The following RARA variants were observed in gnomAD, a reference collection of about 807,000 sequenced individuals.
RARA encodes the protein retinoic acid receptor alpha.
RARA carries 5 observed loss-of-function variants against 42.8 expected under a neutral mutation model. The ratio of observed to expected loss-of-function variants is 0.12; its 90% CI spans 0.06 to 0.25. The LOEUF (loss-of-function observed/expected upper bound fraction) is 0.25, where lower values mean the gene tolerates loss of function less well. RARA is among the 10% of genes least tolerant of loss of function. The pLI is 1.00. For missense variants in RARA, 402 were observed against 628.7 expected, an observed-to-expected ratio of 0.64 and a Z score of 3.86; for synonymous variants, 256 against 259.5, an observed-to-expected ratio of 0.99 and a Z score of 0.13.
chr17:40,313,423 TTG>T lies in RARA; in HGVS notation c.-363+4140_-363+4141del, dbSNP rs2033133121. Reference sequence around the variant, plus strand: ...TATGGGGAGAAAACTCAATGGAGAATTGTGGTCCCTCAGAATTCAGTCTGCTT... The same window carrying T: ...TATGGGGAGAAAACTCAATGGAGAATTGGTCCCTCAGAATTCAGTCTGCTT... On this transcript the variant is annotated intron_variant, in intron 1 of 8. Transcript: ENST00000254066. Among the ~76,000 whole-genome samples the T allele has an allele frequency of 6.6e-5, 10 of 152,186 alleles. No individual in the cohort carries two copies. In the South Asian group the frequency reaches 1.9e-3, roughly 28 times the overall value.
chr17:40,330,482 C>T (rs1407277480), intron 1 of RARA, among the ~76,000 whole-genome samples: 2 of 152,104 alleles, frequency 1.3e-5, no homozygotes, highest in East Asian at 1.9e-4. Context: ...CTCCCTCTTC[C>T]CCCCCAGCAC....
At chr17:40,340,570 C>G (rs1278912990) in intron 2 of RARA, among the ~76,000 whole-genome samples, 2 of 152,206 alleles carry the variant, frequency 1.3e-5, no homozygotes, top group Non-Finnish European at 2.9e-5. Flanking sequence ...GAACTACACT[C>G]CTTTCTACTC....
rs2034539910 is a variant in RARA, at chr17:40,354,217, G to A, written c.808-85G>A. 1.1e-5 allele frequency: 15 copies of A among 1,329,376 alleles called. No individual in the cohort carries two copies. Among genetic ancestry groups the A allele is most frequent in the South Asian group, 3.8e-5 (3 of 78,488 alleles). The allele number at this position is 1,329,376 out of a possible 1,614,324, so 82.3% of individuals were successfully genotyped here. A position where few individuals can be genotyped will look rare whatever the true frequency, so the allele number is the denominator to read the frequency against. On this transcript the variant is annotated intron_variant, in intron 6 of 8. Coordinates refer to ENST00000254066, the MANE Select transcript of RARA (RefSeq NM_000964.4). This position sits in a 1 kb window ranked among gnomAD's most constrained non-coding sequence, Gnocchi z 4.5. ...CCGGCCACCTGCCAGGTGGTCCTCCGGGAGTGCTGGTGCGGAGTGCTGGTG... is the reference window on the plus strand; with the variant it reads ...CCGGCCACCTGCCAGGTGGTCCTCCAGGAGTGCTGGTGCGGAGTGCTGGTG...
At position 40,355,994 on chromosome 17, in the gene RARA, C is replaced by G. The variant is rs374838610; in HGVS notation, c.1172-15C>G. 2.5e-6 allele frequency: 4 copies of G among 1,586,882 alleles called. No homozygotes were observed. The highest frequency in any genetic ancestry group is 1.1e-5 in the South Asian group (1 of 87,166). ...TGGCCCAGCGTGCTGACCTCTGCCC[C>G]CTCCTTTCCTGCAGGGGCTGAGCGG... On this transcript the variant is annotated splice_polypyrimidine_tract_variant and intron_variant, in intron 8 of 8. Coordinates refer to ENST00000254066, the MANE Select transcript of RARA (RefSeq NM_000964.4). The surrounding 1 kb of genome is among the most constrained non-coding windows in gnomAD (Gnocchi z 4.1).
chr17:40,348,743 G>A (rs561561824), intron 3 of RARA: 4 of 295,634 alleles, frequency 1.4e-5, no homozygotes, highest in South Asian at 8.5e-5. Flanking sequence ...CTCTGCCACC[G>A]CTGCCCAGGT....
At chr17:40,334,096 C>T (rs1362478762) in intron 2 of RARA, among the ~76,000 whole-genome samples, 1 of 152,210 alleles carries the variant, frequency 6.6e-6, no homozygotes, top group Non-Finnish European at 1.5e-5. Context: ...GGGGCCTGGC[C>T]CCATCCTTGC....
chr17:40,316,389 T>C (rs1431830559), intron 1 of RARA, among the ~76,000 whole-genome samples: 1 of 152,228 alleles, frequency 6.6e-6, no homozygotes, highest in Non-Finnish European at 1.5e-5. Context: ...CATACATGCG[T>C]CGGGGATGTA....
chr17:40,341,325 T>G, intron 2 of RARA: 1 of 1,397,854 alleles, frequency 7.2e-7, no homozygotes, highest in Non-Finnish European at 9.4e-7. Context: ...GAGGGCCCCC[T>G]CTGCCTGTGT....
At chr17:40,347,443 C>T (rs1426671793) in intron 2 of RARA, among the ~76,000 whole-genome samples, 3 of 152,210 alleles carry the variant, frequency 2.0e-5, no homozygotes, top group African/African-American at 7.2e-5. Flanking sequence ...GGCATGGAGC[C>T]AGACACTGGG....
chr17:40,349,448 C>A, intron 3 of RARA: 1 of 262,584 alleles, frequency 3.8e-6, no homozygotes. Flanking sequence ...GTTCCAGATC[C>A]CTGGCTGTTG....
At chr17:40,348,209 G>C in intron 2 of RARA, 107 bp from the exon 3 acceptor site, 1 of 1,334,174 alleles carries the variant, frequency 7.5e-7, no homozygotes, top group Non-Finnish European at 1.0e-6. Flanking sequence ...TGCCAGCAGT[G>C]GTGAGGCTGG....
intron 1 of RARA, among the ~76,000 whole-genome samples, chr17:40,329,629 ATT>A (rs2033637958): frequency 6.6e-6 from 1 of 150,986 alleles, no homozygotes; most frequent in Admixed American, 6.6e-5. Flanking sequence ...TGACTTTCGT[ATT>A]TTTAGTAGAG....
chr17:40,342,298 G>A (rs2034086111), intron 2 of RARA: 46 of 1,065,610 alleles, frequency 4.3e-5, no homozygotes, highest in Non-Finnish European at 4.9e-5. Context: ...CCCCGGCTGG[G>A]AGGAGGAAGT....
chr17:40,343,260 C>CG (rs531925822), intron 2 of RARA: 91 of 162,150 alleles, frequency 5.6e-4, no homozygotes, highest in South Asian at 3.5e-3. Flanking sequence ...TGTCTGCTCC[C>CG]GGGGGAAGGC....
Position 40,351,392 on chromosome 17 carries a change from T to A in RARA, c.470-518T>A. The A allele has an allele frequency of 2.3e-6, 1 of 434,358 alleles. No homozygotes were observed. Among genetic ancestry groups the A allele is most frequent in the South Asian group, 1.6e-5 (1 of 61,090 alleles). The allele number at this position is 434,358 out of a possible 1,614,324, so 26.9% of individuals were successfully genotyped here. A position where few individuals can be genotyped will look rare whatever the true frequency, so the allele number is the denominator to read the frequency against. ...TCAGCGCCCCTGGTGATTTGTCAGC[T>A]CCCCAGCTAATGGGCCAAGAGATTC... On this transcript the variant is annotated intron_variant, in intron 4 of 8. Transcript: ENST00000254066. This position sits in a 1 kb window ranked among gnomAD's most constrained non-coding sequence, Gnocchi z 4.1.
intron 2 of RARA, chr17:40,341,515 C>T (rs2034037194): frequency 1.3e-5 from 19 of 1,482,640 alleles, no homozygotes; most frequent in Non-Finnish European, 1.7e-5. Flanking sequence ...CCTGCCGCCG[C>T]TCTCCGCGTC....
chr17:40,313,227 C>T (rs2033129809), intron 1 of RARA, among the ~76,000 whole-genome samples: 1 of 152,130 alleles, frequency 6.6e-6, no homozygotes, highest in Non-Finnish European at 1.5e-5. Flanking sequence ...GAGCCCTCCT[C>T]CTGCCCTGCC....
At chr17:40,324,318 G>T (rs939636386) in intron 1 of RARA, among the ~76,000 whole-genome samples, 1 of 151,928 alleles carries the variant, frequency 6.6e-6, no homozygotes, top group Admixed American at 6.6e-5. Flanking sequence ...TTCCCTGTGG[G>T]TTGGTCCCTC....
chr17:40,342,849 T>G (rs1404728255), intron 2 of RARA: 1 of 1,612,854 alleles, frequency 6.2e-7, no homozygotes, highest in Non-Finnish European at 8.5e-7. Context: ...GACTCCGCTT[T>G]GGAATGGCTC....
Sources: gnomAD v4.1 joint callset for allele counts (sites outside exome capture counted in the v4.1 genomes callset) on GRCh38, gnomAD v4.1.1 for gene constraint, Gnocchi (gnomAD v3.1) non-coding constraint, MANE v1.5 for transcripts, NCBI Gene and HGNC (gene_info 2026-07-23, HGNC 2026-07-21) for gene names.